CEP112: variants seen among roughly 807,000 people sequenced by gnomAD.
CEP112 encodes the protein centrosomal protein of 112 kDa.
Under a neutral mutation model 153.0 loss-of-function variants are expected in CEP112, and 127 were observed. That is an observed-to-expected ratio of 0.83 (90% CI 0.72 to 0.96). The LOEUF (loss-of-function observed/expected upper bound fraction) is 0.96. Among genes scored for constraint, CEP112 ranks in the 40% least tolerant of loss-of-function variants. The pLI, the probability that CEP112 is intolerant of heterozygous loss-of-function variation, is 0.00. For missense variants in CEP112, 1,089 were observed against 1,101.2 expected, an observed-to-expected ratio of 0.99 and a Z score of 0.16; for synonymous variants, 358 against 374.4, an observed-to-expected ratio of 0.96 and a Z score of 0.51.
chr17:65,645,367 C>T (rs77829745), intron 24 of CEP112, among the ~76,000 whole-genome samples: 1,926 of 152,242 alleles, frequency 0.013, 37 homozygotes, highest in African/African-American at 0.043. Context: ...CTGCACCAAA[C>T]TCTTCTTATC....
intron 4 of CEP112, among the ~76,000 whole-genome samples, chr17:66,136,395 G>C (rs1319519280): frequency 1.3e-5 from 2 of 152,072 alleles, no homozygotes. Context: ...CACAGGACTG[G>C]TATTCTCTAA....
intron 17 of CEP112, among the ~76,000 whole-genome samples, chr17:66,002,024 T>C (rs1394840987): frequency 2.0e-5 from 3 of 152,192 alleles, no homozygotes; most frequent in Non-Finnish European, 4.4e-5. Context: ...AAAAGAATAG[T>C]AAGGCAACAA....
At chr17:66,088,046 C>G (rs937460018) in intron 8 of CEP112, among the ~76,000 whole-genome samples, 1 of 151,552 alleles carries the variant, frequency 6.6e-6, no homozygotes, top group Admixed American at 6.6e-5. Context: ...CACCTCACCC[C>G]ACCCCATGCT....
chr17:65,871,944 C>A (rs2058683545), intron 20 of CEP112, among the ~76,000 whole-genome samples: 1 of 152,200 alleles, frequency 6.6e-6, no homozygotes, highest in African/African-American at 2.4e-5. Context: ...TGGGACTATG[C>A]AACAATCAAT....
chr17:66,030,080 T>A lies in CEP112; in HGVS notation c.1219-57A>T, dbSNP rs185060748. The A allele has an allele frequency of 4.0e-5, 58 of 1,459,896 alleles. 1 individual carries two copies. In the African/African-American group the frequency reaches 5.9e-4, roughly 15 times the overall value. The allele number at this position is 1,459,896 out of a possible 1,614,324, so 90.4% of individuals were successfully genotyped here. A position where few individuals can be genotyped will look rare whatever the true frequency, so the allele number is the denominator to read the frequency against. ...CTGACTCAGTTGTAACACTTTTGTA[T>A]CTGTAAGAAGCTTGAGGAACACGTA... On this transcript the variant is annotated intron_variant, in intron 12 of 26. Coordinates refer to ENST00000535342, the MANE Select transcript of CEP112 (RefSeq NM_001199165.4).
rs567238405 is a variant in CEP112, at chr17:65,918,064, C to T, written c.1980+9518G>A. 1.6e-3 allele frequency among the ~76,000 whole-genome samples: 250 copies of T among 151,634 alleles called. 1 individual carries two copies. The highest frequency in any genetic ancestry group is 5.8e-3 in the African/African-American group (241 of 41,290). Reference sequence around the variant, plus strand: ...GCGTGGTGGCGTGTGCCTGTAGTCCCAGCTACTTGGGAGGCTGAGGCAGGA... The same window carrying T: ...GCGTGGTGGCGTGTGCCTGTAGTCCTAGCTACTTGGGAGGCTGAGGCAGGA... On this transcript the variant is annotated intron_variant, in intron 19 of 26. Coordinates refer to ENST00000535342, the MANE Select transcript of CEP112 (RefSeq NM_001199165.4).
At chr17:66,090,417 T>C (rs772897799) in intron 8 of CEP112, among the ~76,000 whole-genome samples, 21 of 152,034 alleles carry the variant, frequency 1.4e-4, no homozygotes, top group Non-Finnish European at 3.1e-4. Context: ...CATCAAAAAA[T>C]GAAACAGAGT....
intron 16 of CEP112, among the ~76,000 whole-genome samples, chr17:66,010,226 G>A (rs1160040681): frequency 6.6e-6 from 1 of 152,124 alleles, no homozygotes; most frequent in African/African-American, 2.4e-5. Flanking sequence ...TGGCTAATGT[G>A]AATGGAACTG....
chr17:65,870,014 TAAGAAAGAAAGAAAGAAAGAAAGA>T (rs754013580), intron 20 of CEP112, among the ~76,000 whole-genome samples: 23 of 44,678 alleles, frequency 5.1e-4, no homozygotes, highest in South Asian at 7.9e-4. Flanking sequence ...AGGTAGAGAA[TAAGAAAGAAAGAAAGAAAGAAAGA>T]AAGAAAGAAA....
At chr17:65,880,358 C>T (rs79867984) in intron 20 of CEP112, among the ~76,000 whole-genome samples, 8,261 of 152,090 alleles carry the variant, frequency 0.054, 288 homozygotes, top group African/African-American at 0.089. Flanking sequence ...GATATCATCA[C>T]GATTTCTGTT....
At chr17:66,109,882 C>T (rs1005507210) in intron 6 of CEP112, among the ~76,000 whole-genome samples, 2 of 152,076 alleles carry the variant, frequency 1.3e-5, no homozygotes, top group African/African-American at 4.8e-5. Context: ...TAAAACCATC[C>T]GGGCATGTTG....
At chr17:66,020,136 G>A (rs1396166959) in intron 16 of CEP112, among the ~76,000 whole-genome samples, 4 of 152,146 alleles carry the variant, frequency 2.6e-5, no homozygotes, top group Non-Finnish European at 5.9e-5. Flanking sequence ...AACAGAGCAG[G>A]AAGCCAGGAA....
chr17:65,739,650 T>C (rs978440394), intron 23 of CEP112, among the ~76,000 whole-genome samples: 2 of 151,918 alleles, frequency 1.3e-5, no homozygotes, highest in Non-Finnish European at 2.9e-5. Flanking sequence ...GCAGGAGAAT[T>C]GCTTGAACCC....
intron 20 of CEP112, among the ~76,000 whole-genome samples, chr17:65,894,168 A>G (rs1273214889): frequency 1.3e-5 from 2 of 152,170 alleles, no homozygotes; most frequent in East Asian, 3.8e-4. Context: ...GAGAAGGAAG[A>G]GTAATATGCT....
In CEP112 at chr17:66,028,367, A is replaced by T. The variant is rs2065313412; in HGVS notation, c.1542T>A (p.Cys514Ter). 3.7e-6 allele frequency: 6 copies of T among 1,600,494 alleles called. No homozygotes were observed. The highest frequency in any genetic ancestry group is 5.1e-6 in the Non-Finnish European group (6 of 1,172,490). The change falls in exon 15 of 27, where the codon TGT becomes TGA. Residue 514 changes from cysteine to a stop codon, truncating the protein, a stop_gained. Transcript: ENST00000535342. LOFTEE classifies it high-confidence loss of function. Reference sequence around the variant, plus strand: ...ATTCCTGTAACTGCTGTTTTAATTGACAGACATTCTGCTCTAATTCTTCAA... The same window carrying T: ...ATTCCTGTAACTGCTGTTTTAATTGTCAGACATTCTGCTCTAATTCTTCAA... ...SMIEELEQNV[C>*]QLKQQLQESE...
intron 21 of CEP112, among the ~76,000 whole-genome samples, chr17:65,831,299 T>A (rs1202021761): frequency 6.6e-6 from 1 of 152,202 alleles, no homozygotes; most frequent in East Asian, 1.9e-4. Flanking sequence ...GGCTCATGCC[T>A]GTAATCCCAG....
chr17:65,689,490 C>G (rs1042413860), intron 23 of CEP112, among the ~76,000 whole-genome samples: 12 of 152,152 alleles, frequency 7.9e-5, no homozygotes, highest in African/African-American at 2.7e-4. Flanking sequence ...AGCACAGAAC[C>G]ACAAGCATGT....
chr17:66,163,819 A>G (rs1184291635), intron 4 of CEP112, among the ~76,000 whole-genome samples: 1 of 152,220 alleles, frequency 6.6e-6, no homozygotes, highest in Non-Finnish European at 1.5e-5. Context: ...GCTGTTATCC[A>G]TTTTTGTTTA....
intron 18 of CEP112, among the ~76,000 whole-genome samples, chr17:65,936,565 A>G (rs556969735): frequency 2.0e-5 from 3 of 152,312 alleles, no homozygotes; most frequent in East Asian, 3.9e-4. Flanking sequence ...TCAACAACAC[A>G]TTAAAATGAT....
Sources: gnomAD v4.1 joint callset for allele counts (sites outside exome capture counted in the v4.1 genomes callset) on GRCh38, gnomAD v4.1.1 for gene constraint, MANE v1.5 for transcripts, NCBI Gene and HGNC (gene_info 2026-07-23, HGNC 2026-07-21) for gene names.